The following UBLCP1 variants were observed in gnomAD, a reference collection of about 807,000 sequenced individuals.
UBLCP1 encodes the protein ubiquitin like domain containing CTD phosphatase 1, also known as ubiquitin-like domain-containing CTD phosphatase 1.
A neutral mutation model predicts 42.4 loss-of-function variants in UBLCP1; 28 were observed. That is an observed-to-expected ratio of 0.66 (90% CI 0.49 to 0.90). The LOEUF (loss-of-function observed/expected upper bound fraction) is 0.90, where lower values mean the gene tolerates loss of function less well. Among genes scored for constraint, UBLCP1 ranks in the 40% least tolerant of loss-of-function variants. The pLI, the probability that UBLCP1 is intolerant of heterozygous loss-of-function variation, is 0.00. For synonymous variants in UBLCP1, 122 were observed against 120.8 expected, an observed-to-expected ratio of 1.01 and a Z score of -0.07; for missense variants, 279 against 374.5, an observed-to-expected ratio of 0.75 and a Z score of 2.10.
At chr5:159,266,706 C>T (rs1298920697) in intron 1 of UBLCP1, among the ~76,000 whole-genome samples, 1 of 152,176 alleles carries the variant, frequency 6.6e-6, no homozygotes, top group Non-Finnish European at 1.5e-5. Flanking sequence ...CCCAGGGTCC[C>T]CGCGCTGTGT....
intron 6 of UBLCP1, among the ~76,000 whole-genome samples, chr5:159,272,517 G>T (rs755201419): frequency 6.6e-5 from 10 of 151,826 alleles, no homozygotes; most frequent in Non-Finnish European, 1.0e-4. Flanking sequence ...GCCTCCCAAA[G>T]TGCTGGATTA....
In UBLCP1 at chr5:159,268,902, CAT is replaced by C; in HGVS notation, c.-11_-10del. On this transcript the variant is annotated 5_prime_UTR_variant, in exon 2 of 11. The change creates a new upstream start codon in the 5' untranslated region. Coordinates refer to ENST00000296786, the MANE Select transcript of UBLCP1 (RefSeq NM_145049.5). ...TTTTTCTGAAGGAAAGCTGCTTCCTCATATGTTTCAAGAATGGCTCTCCCTAT... is the reference window on the plus strand; with the variant it reads ...TTTTTCTGAAGGAAAGCTGCTTCCTCATGTTTCAAGAATGGCTCTCCCTAT... 1 of 1,601,120 alleles carries C rather than the reference CAT, an allele frequency of 6.2e-7. No homozygotes were observed. Among genetic ancestry groups the C allele is most frequent in the South Asian group, 1.1e-5 (1 of 87,268 alleles).
At chr5:159,277,343 T>G (rs969597853) in intron 8 of UBLCP1, among the ~76,000 whole-genome samples, 8 of 152,226 alleles carry the variant, frequency 5.3e-5, no homozygotes, top group Non-Finnish European at 7.4e-5. Flanking sequence ...GGAAAAAAAT[T>G]TTTAAGTTAC....
intron 9 of UBLCP1, among the ~76,000 whole-genome samples, chr5:159,280,780 C>T (rs952501574): frequency 3.3e-5 from 5 of 152,170 alleles, no homozygotes; most frequent in African/African-American, 1.2e-4. Flanking sequence ...GTTTGAAGTA[C>T]ATGGAAGGTA....
chr5:159,268,945 T>A lies in UBLCP1; in HGVS notation c.30T>A (p.Gly10=), dbSNP rs777158783. Residue 10 remains glycine, a synonymous_variant, in exon 2 of 11, where the codon GGT becomes GGA. Transcript: ENST00000296786. MALPIIVKW[G]GQEYSVTTLS... ...CTCTCCCTATCATTGTAAAATGGGGTGGACAGGAGTATTCAGTGACCACAC... is the reference window on the plus strand; with the variant it reads ...CTCTCCCTATCATTGTAAAATGGGGAGGACAGGAGTATTCAGTGACCACAC... 28 of 1,610,168 alleles carry A rather than the reference T, an allele frequency of 1.7e-5. No individual in the cohort carries two copies. In the Admixed American group the frequency reaches 4.7e-4, roughly 27 times the overall value.
chr5:159,275,205 G>A lies in UBLCP1; in HGVS notation c.643G>A (p.Ala215Thr). ...YKITFMLDSA[A>T]MITVHTPRRG... ...GATTACTTTCATGTTGGATAGTGCT[G>A]CTATGATAACAGTACATACTCCAAG... Residue 215 changes from alanine (A) to threonine (T), a missense_variant, in exon 8 of 11, where the codon GCT becomes ACT. Coordinates refer to ENST00000296786, the MANE Select transcript of UBLCP1 (RefSeq NM_145049.5). The A allele has an allele frequency of 6.2e-7, 1 of 1,613,152 alleles. No homozygotes were observed. Among genetic ancestry groups the A allele is most frequent in the Non-Finnish European group, 8.5e-7 (1 of 1,179,770 alleles).
chr5:159,280,021 T>G (rs1240837428), intron 9 of UBLCP1, among the ~76,000 whole-genome samples: 1 of 152,204 alleles, frequency 6.6e-6, no homozygotes, highest in African/African-American at 2.4e-5. Flanking sequence ...AGAGATGTTA[T>G]TGTAAATGTC....
intron 1 of UBLCP1, among the ~76,000 whole-genome samples, chr5:159,263,587 G>A (rs1753331323): frequency 6.6e-6 from 1 of 152,192 alleles, no homozygotes; most frequent in African/African-American, 2.4e-5. Flanking sequence ...GTTTCCCAGT[G>A]GGTTTTGCGT....
chr5:159,278,416 T>C (rs1753564371), intron 9 of UBLCP1, 62 bp downstream of exon 9: 4 of 1,074,352 alleles, frequency 3.7e-6, no homozygotes, highest in Non-Finnish European at 2.9e-6. Flanking sequence ...AGAACTTTTG[T>C]AGTAAGCACT....
intron 5 of UBLCP1, among the ~76,000 whole-genome samples, chr5:159,271,385 C>T (rs950046082): frequency 9.9e-5 from 15 of 151,738 alleles, no homozygotes; most frequent in South Asian, 2.1e-4. Context: ...CACTTGAGCC[C>T]GGATTAAGAC....
rs201718691 is a variant in UBLCP1, at chr5:159,264,618, A to AT, written c.-47+1266dup. Among the ~76,000 whole-genome samples the AT allele has an allele frequency of 5.6e-3, 856 of 152,108 alleles. 8 individuals are homozygous for AT. The highest frequency in any genetic ancestry group is 0.019 in the African/African-American group (799 of 41,516). On this transcript the variant is annotated intron_variant, in intron 1 of 10. Transcript: ENST00000296786. Reference sequence around the variant, plus strand: ...ATATAGAGCCCATGCCCTCTGGCACATTTTTTTTAAGGCTGAAAACATTGA... The same window carrying AT: ...ATATAGAGCCCATGCCCTCTGGCACATTTTTTTTTAAGGCTGAAAACATTGA...
At position 159,270,603 on chromosome 5, in the gene UBLCP1, G is replaced by C; in HGVS notation, c.408G>C (p.Gly136=). ...AAATTTTGAATCCTCCCAGGGAAGGGAAAAAGCTTTTGGTGCTAGATGTTG... is the reference window on the plus strand; with the variant it reads ...AAATTTTGAATCCTCCCAGGGAAGGCAAAAAGCTTTTGGTGCTAGATGTTG... ...KVEILNPPRE[G]KKLLVLDVDY... Residue 136 remains glycine, a synonymous_variant, in exon 5 of 11, where the codon GGG becomes GGC. Transcript: ENST00000296786. 6.2e-7 allele frequency: 1 copy of C among 1,607,890 alleles called. No homozygotes were observed. The highest frequency in any genetic ancestry group is 8.5e-7 in the Non-Finnish European group (1 of 1,178,286).
chr5:159,283,188 TGAGTA>T lies in UBLCP1; in HGVS notation c.802-23_802-19del. 1.3e-6 allele frequency: 2 copies of T among 1,595,668 alleles called. No homozygotes were observed. Among genetic ancestry groups the T allele is most frequent in the Non-Finnish European group, 1.7e-6 (2 of 1,174,020 alleles). The stretch of plus-strand genomic sequence containing the variant: ...TTTTCCTTATCACATTGTGATGTGT[TGAGTA>T]ATGTTTGTTTCCTAATAGATAAGGC... On this transcript the variant is annotated intron_variant, in intron 9 of 10. Transcript: ENST00000296786.
At chr5:159,274,422 CT>C (rs764902178) in intron 6 of UBLCP1, 162 bp from the exon 7 acceptor site, 1 of 535,600 alleles carries the variant, frequency 1.9e-6, no homozygotes. Flanking sequence ...AGTAAGTTTA[CT>C]TTTATCAATA....
chr5:159,271,753 A>G (rs1753469732), intron 5 of UBLCP1, among the ~76,000 whole-genome samples: 1 of 152,336 alleles, frequency 6.6e-6, no homozygotes, highest in South Asian at 2.1e-4. Flanking sequence ...CTAGGTGAGA[A>G]AAAAATTTTC....
intron 8 of UBLCP1, among the ~76,000 whole-genome samples, chr5:159,275,779 C>T (rs1949970567): frequency 6.6e-6 from 1 of 152,110 alleles, no homozygotes; most frequent in South Asian, 2.1e-4. Flanking sequence ...AAGAAAGGAA[C>T]TTGTGATTGT....
At position 159,269,996 on chromosome 5, in the gene UBLCP1, C is replaced by T; in HGVS notation, c.243C>T (p.Ser81=). Residue 81 remains serine, a synonymous_variant, in exon 3 of 11, where the codon AGC becomes AGT. Coordinates refer to ENST00000296786, the MANE Select transcript of UBLCP1 (RefSeq NM_145049.5). Reference sequence around the variant, plus strand: ...TGATGATGGGAACTCGTGAGGAGAGCTTGGTAAATGTTTACTTTTTGTTAC... The same window carrying T: ...TGATGATGGGAACTCGTGAGGAGAGTTTGGTAAATGTTTACTTTTTGTTAC... ...KIMMMGTREE[S]LEDVLGPPPD... 1 of 1,609,004 alleles carries T rather than the reference C, an allele frequency of 6.2e-7. No individual in the cohort carries two copies. Among genetic ancestry groups the T allele is most frequent in the Non-Finnish European group, 8.5e-7 (1 of 1,177,714 alleles).
Position 159,269,033 on chromosome 5 carries a change from C to G in UBLCP1, c.118C>G (p.Pro40Ala), listed in dbSNP as rs754644579. Residue 40 changes from proline to alanine, a missense_variant, in exon 2 of 11, where the codon CCA becomes GCA. Physicochemically the swap from Pro to Ala is conservative, Grantham distance 27. Coordinates refer to ENST00000296786, the MANE Select transcript of UBLCP1 (RefSeq NM_145049.5). ...TCTCAAGACCCTTACAGGAGTTCTTCCAGAACGCCAAAAGTTACTTGGACT... is the reference window on the plus strand; with the variant it reads ...TCTCAAGACCCTTACAGGAGTTCTTGCAGAACGCCAAAAGTTACTTGGACT... ...QFLKTLTGVL[P>A]ERQKLLGLKV... The G allele has an allele frequency of 6.3e-7, 1 of 1,594,128 alleles. No individual in the cohort carries two copies. The highest frequency in any genetic ancestry group is 1.4e-5 in the African/African-American group (1 of 73,858).
intron 10 of UBLCP1, 119 bp from the exon 11 acceptor site, chr5:159,284,785 T>C: frequency 9.9e-7 from 1 of 1,009,944 alleles, no homozygotes; most frequent in African/African-American, 1.6e-5. Flanking sequence ...AAGTGACTAT[T>C]AAGAATACTC....
Sources: gnomAD v4.1 joint callset for allele counts (sites outside exome capture counted in the v4.1 genomes callset) on GRCh38, gnomAD v4.1.1 for gene constraint, MANE v1.5 for transcripts, NCBI Gene and HGNC (gene_info 2026-07-23, HGNC 2026-07-21) for gene names.